Variants in CEP112 observed in about 807,000 individuals in gnomAD.
CEP112 encodes centrosomal protein 112, also known as centrosomal protein of 112 kDa.
In CEP112, 127 loss-of-function variants were observed where a neutral mutation model predicts 153.0. The ratio of observed to expected loss-of-function variants is 0.83; its 90% CI spans 0.72 to 0.96. The LOEUF is 0.96. Ranked by LOEUF, CEP112 falls within the 40% of genes least tolerant of loss-of-function variation. The pLI is 0.00. For missense variants in CEP112, 1,089 were observed against 1,101.2 expected, an observed-to-expected ratio of 0.99 and a Z score of 0.16; for synonymous variants, 358 against 374.4, an observed-to-expected ratio of 0.96 and a Z score of 0.51.
intron 20 of CEP112, among the ~76,000 whole-genome samples, chr17:65,867,433 G>A (rs1054363879): frequency 1.3e-5 from 2 of 152,106 alleles, no homozygotes; most frequent in African/African-American, 4.8e-5. Flanking sequence ...AACACCCCAA[G>A]GATCCTGTAA....
intron 21 of CEP112, among the ~76,000 whole-genome samples, chr17:65,826,897 A>G (rs1190561982): frequency 1.3e-5 from 2 of 152,144 alleles, no homozygotes; most frequent in Non-Finnish European, 2.9e-5. Context: ...GGTGTTGGCA[A>G]AGGAGATTAA....
At position 65,649,288 on chromosome 17, in the gene CEP112, G is replaced by A. The variant is rs139758977; in HGVS notation, c.2698-8223C>T. Among the ~76,000 whole-genome samples the A allele has an allele frequency of 5.9e-3, 903 of 152,316 alleles. 4 individuals are homozygous for A. Among genetic ancestry groups the A allele is most frequent in the Non-Finnish European group, 8.5e-3 (579 of 68,016 alleles). Reference sequence around the variant, plus strand: ...GCTCCAATGTGCCTAACACGGAATTGTCTTTTGAGGAGCTGAGAAAAGAGG... The same window carrying A: ...GCTCCAATGTGCCTAACACGGAATTATCTTTTGAGGAGCTGAGAAAAGAGG... On this transcript the variant is annotated intron_variant, in intron 24 of 26. Transcript: ENST00000535342.
chr17:65,928,488 T>C (rs2061008766), intron 18 of CEP112, among the ~76,000 whole-genome samples: 1 of 152,194 alleles, frequency 6.6e-6, no homozygotes, highest in Admixed American at 6.5e-5. Context: ...AGTAGCATTA[T>C]TCATAACATC....
At chr17:66,115,216 A>C (rs536048108) in intron 6 of CEP112, among the ~76,000 whole-genome samples, 47 of 152,142 alleles carry the variant, frequency 3.1e-4, no homozygotes, top group South Asian at 2.7e-3. Flanking sequence ...CAAAAAAAAA[A>C]CCCTGACAAT....
intron 10 of CEP112, among the ~76,000 whole-genome samples, chr17:66,063,521 G>A (rs1165557700): frequency 1.3e-5 from 2 of 151,930 alleles, no homozygotes; most frequent in African/African-American, 2.4e-5. Context: ...AGGGGGTGTG[G>A]GCTAAAAACT....
At position 66,047,360 on chromosome 17, in the gene CEP112, G is replaced by A. The variant is rs181875531; in HGVS notation, c.1218+6376C>T. Among the ~76,000 whole-genome samples, 473 of 152,200 alleles carry A rather than the reference G, an allele frequency of 3.1e-3. 2 individuals are homozygous for A. The highest frequency in any genetic ancestry group is 0.011 in the African/African-American group (438 of 41,548). ...TCGAACTCCTGACCTCAAGTGATCC[G>A]CCCACCTTGGCTTCCCAAAGTGCTG... On this transcript the variant is annotated intron_variant, in intron 12 of 26. Transcript: ENST00000535342.
chr17:65,981,249 G>T (rs1320239479), intron 17 of CEP112, among the ~76,000 whole-genome samples: 1 of 152,138 alleles, frequency 6.6e-6, no homozygotes, highest in Admixed American at 6.5e-5. Context: ...CTGTGTTCAG[G>T]ATATAACTTG....
At chr17:66,069,189 C>A (rs901408996) in intron 9 of CEP112, among the ~76,000 whole-genome samples, 21 of 151,884 alleles carry the variant, frequency 1.4e-4, no homozygotes, top group Non-Finnish European at 1.5e-5. Flanking sequence ...TTTTGGGAAG[C>A]AGAATCATAG....
intron 21 of CEP112, among the ~76,000 whole-genome samples, chr17:65,752,400 G>T (rs2051934994): frequency 6.6e-6 from 1 of 152,120 alleles, no homozygotes; most frequent in African/African-American, 2.4e-5. Flanking sequence ...GGATCAGTTT[G>T]CCCAGAGCTG....
chr17:66,185,428 G>C (rs1167791373), intron 1 of CEP112, among the ~76,000 whole-genome samples: 1 of 152,088 alleles, frequency 6.6e-6, no homozygotes, highest in Admixed American at 6.5e-5. Flanking sequence ...TCACCATGTT[G>C]GTCAGGCTGG....
intron 12 of CEP112, among the ~76,000 whole-genome samples, chr17:66,043,780 G>GT (rs1395080186): frequency 6.6e-6 from 1 of 151,910 alleles, no homozygotes; most frequent in Non-Finnish European, 1.5e-5. Flanking sequence ...ACCAAAATGC[G>GT]TAAGTCTCAT....
chr17:66,112,638 T>C (rs1026459250), intron 6 of CEP112, among the ~76,000 whole-genome samples: 4 of 152,002 alleles, frequency 2.6e-5, no homozygotes, highest in African/African-American at 9.7e-5. Context: ...AATGCGCATA[T>C]TCTTCAGTAA....
Position 66,132,673 on chromosome 17 carries a change from A to G in CEP112, c.561T>C (p.Ile187=). 2 of 1,607,936 alleles carry G rather than the reference A, an allele frequency of 1.2e-6. No homozygotes were observed. Among genetic ancestry groups the G allele is most frequent in the South Asian group, 2.2e-5 (2 of 90,914 alleles). ...REDGQNITPK[I]CEVYSKKSPV... Reference sequence around the variant, plus strand: ...CAAAAGTAAAATCTAATCTTACACAAATCTTTGGGGTAATATTTTGTCCAT... The same window carrying G: ...CAAAAGTAAAATCTAATCTTACACAGATCTTTGGGGTAATATTTTGTCCAT... Residue 187 remains isoleucine (I), a synonymous_variant, in exon 5 of 27, where the codon ATT becomes ATC. Transcript: ENST00000535342.
chr17:66,010,136 T>C (rs1481960008), intron 16 of CEP112, among the ~76,000 whole-genome samples: 1 of 152,150 alleles, frequency 6.6e-6, no homozygotes, highest in African/African-American at 2.4e-5. Context: ...TCTGATTTCA[T>C]TGAGCAATGT....
At position 65,815,150 on chromosome 17, in the gene CEP112, C is replaced by T. The variant is rs1009337952; in HGVS notation, c.2394+36654G>A. On this transcript the variant is annotated intron_variant, in intron 21 of 26. Transcript: ENST00000535342. ...CTATGTTTCTTCCAAGGGTTTTATA[C>T]TTGCAGCATTTATGTTGAGGTCTAC... 2.6e-5 allele frequency among the ~76,000 whole-genome samples: 4 copies of T among 152,162 alleles called. No individual in the cohort carries two copies. In the South Asian group the frequency reaches 6.2e-4, roughly 24 times the overall value.
At chr17:65,689,682 G>A (rs2048001541) in intron 23 of CEP112, among the ~76,000 whole-genome samples, 1 of 152,026 alleles carries the variant, frequency 6.6e-6, no homozygotes, top group Non-Finnish European at 1.5e-5. Context: ...AGCCTTAAAG[G>A]AATTTCTTTA....
intron 21 of CEP112, among the ~76,000 whole-genome samples, chr17:65,779,908 A>G (rs2053903903): frequency 6.6e-6 from 1 of 152,138 alleles, no homozygotes; most frequent in Non-Finnish European, 1.5e-5. Flanking sequence ...TGAGTTTTCC[A>G]TTAAACTCAG....
At chr17:65,729,740 C>T (rs1368835011) in intron 23 of CEP112, among the ~76,000 whole-genome samples, 2 of 152,094 alleles carry the variant, frequency 1.3e-5, no homozygotes, top group Non-Finnish European at 2.9e-5. Context: ...GAAACCCTGT[C>T]TCTATTAAAA....
chr17:65,704,342 C>T (rs901133619), intron 23 of CEP112, among the ~76,000 whole-genome samples: 2 of 151,972 alleles, frequency 1.3e-5, no homozygotes, highest in Admixed American at 1.3e-4. Context: ...TTCTTTGTTA[C>T]AGCAGCACTA....
Sources: gnomAD v4.1 joint callset for allele counts (sites outside exome capture counted in the v4.1 genomes callset) on GRCh38, gnomAD v4.1.1 for gene constraint, MANE v1.5 for transcripts, NCBI Gene and HGNC (gene_info 2026-07-23, HGNC 2026-07-21) for gene names.